The following ERBIN variants were observed in gnomAD, a reference collection of about 807,000 sequenced individuals.
ERBIN encodes erbb2 interacting protein, also known as densin-180-like protein.
ERBIN carries 60 observed loss-of-function variants against 158.4 expected under a neutral mutation model. That is an observed-to-expected ratio of 0.38 (90% CI 0.31 to 0.47). The LOEUF (loss-of-function observed/expected upper bound fraction) is 0.47. Among genes scored for constraint, ERBIN ranks in the 20% least tolerant of loss-of-function variants. The probability of loss-of-function intolerance (pLI) is 0.99; values close to 1 mark genes in which losing one functional copy is unlikely to be tolerated. For synonymous variants in ERBIN, 594 were observed against 557.2 expected (o/e 1.07, Z -0.93); for missense variants, 1,610 against 1,648.0 (o/e 0.98, Z 0.40).
chr5:66,002,127 C>T (rs946198936), intron 4 of ERBIN, among the ~76,000 whole-genome samples: 12 of 152,200 alleles, frequency 7.9e-5, no homozygotes, highest in South Asian at 4.1e-4. Context: ...ATCCATGTCC[C>T]GGTAAAGGAC....
intron 1 of ERBIN, among the ~76,000 whole-genome samples, chr5:65,945,383 T>C (rs1299590770): frequency 1.3e-5 from 2 of 152,252 alleles, no homozygotes; most frequent in Non-Finnish European, 2.9e-5. Context: ...TCTTCCAATG[T>C]CATTTAAATG....
intron 1 of ERBIN, among the ~76,000 whole-genome samples, chr5:65,953,057 G>C (rs754683241): frequency 6.6e-6 from 1 of 152,202 alleles, no homozygotes; most frequent in Non-Finnish European, 1.5e-5. Context: ...GGAGTTTCTT[G>C]TATCAGACTG....
intron 1 of ERBIN, among the ~76,000 whole-genome samples, chr5:65,949,076 T>C (rs1021882646): frequency 1.1e-4 from 17 of 152,288 alleles, no homozygotes; most frequent in Middle Eastern, 3.4e-3. Flanking sequence ...GTTTTGCTTC[T>C]TGATGCAAAA....
rs151003982 is a variant in ERBIN at position 66,078,647 on chromosome 5, A to C, written c.*117A>C. The C allele has an allele frequency of 1.6e-5, 11 of 674,934 alleles. No individual in the cohort carries two copies. The African/African-American group carries it at 2.0e-4, about 12-fold the overall frequency. 41.8% of individuals were successfully genotyped at this position (674,934 alleles called of 1,614,324 possible). ...AGAAGAACTCAAAAAATTATGTTCA[A>C]ATTTGTACATTAATGAAATAATGGA... On this transcript the variant is annotated 3_prime_UTR_variant, in exon 26 of 26. Transcript: ENST00000284037.
chr5:66,059,589 T>G (rs1446667284), intron 21 of ERBIN, among the ~76,000 whole-genome samples: 4 of 152,200 alleles, frequency 2.6e-5, no homozygotes, highest in Non-Finnish European at 2.9e-5. Flanking sequence ...ATAGGAGTGG[T>G]GAGAGAGGGC....
intron 1 of ERBIN, among the ~76,000 whole-genome samples, chr5:65,945,770 T>A (rs1745665131): frequency 1.3e-5 from 2 of 152,224 alleles, no homozygotes; most frequent in Non-Finnish European, 2.9e-5. Context: ...CACTTCAGAT[T>A]TCTCATTGAA....
At chr5:65,938,461 C>T (rs1470620660) in intron 1 of ERBIN, among the ~76,000 whole-genome samples, 1 of 151,044 alleles carries the variant, frequency 6.6e-6, no homozygotes, top group Non-Finnish European at 1.5e-5. Flanking sequence ...GCCTTGACCT[C>T]CTGGGCTGAA....
intron 1 of ERBIN, among the ~76,000 whole-genome samples, chr5:65,974,426 A>G (rs1266955466): frequency 6.6e-6 from 1 of 152,240 alleles, no homozygotes; most frequent in African/African-American, 2.4e-5. Flanking sequence ...CTGCTCCTGT[A>G]TCATACTGGA....
At chr5:66,028,251 T>G in intron 13 of ERBIN, 23 bp from the exon 14 acceptor site, 1 of 1,567,398 alleles carries the variant, frequency 6.4e-7, no homozygotes, top group Non-Finnish European at 8.7e-7. Context: ...AGTTTAATTT[T>G]TGTTTGTATT....
At chr5:66,017,635 GTTGA>G (rs1754928871) in intron 7 of ERBIN, among the ~76,000 whole-genome samples, 1 of 149,112 alleles carries the variant, frequency 6.7e-6, no homozygotes, top group Non-Finnish European at 1.5e-5. Flanking sequence ...TGTTCATTTT[GTTGA>G]TTGTTTCCTG....
chr5:66,034,288 T>C (rs1757174670), intron 14 of ERBIN, among the ~76,000 whole-genome samples: 1 of 151,714 alleles, frequency 6.6e-6, no homozygotes, highest in South Asian at 2.1e-4. Flanking sequence ...TTTTCCATAC[T>C]CATAGCTGTT....
intron 1 of ERBIN, among the ~76,000 whole-genome samples, chr5:65,967,597 A>G (rs1748799315): frequency 6.6e-6 from 1 of 152,190 alleles, no homozygotes. Flanking sequence ...GGTTTCTGTA[A>G]GTAGACTCTG....
In ERBIN at chr5:66,012,139, G is replaced by T; in HGVS notation, c.386+12G>T. ...AACCCTATTTCCAAGTAAGTTCTCAGGTGAATTATAAATTACTTTTGTGAA... is the reference window on the plus strand; with the variant it reads ...AACCCTATTTCCAAGTAAGTTCTCATGTGAATTATAAATTACTTTTGTGAA... On this transcript the variant is annotated intron_variant, in intron 5 of 25. Coordinates refer to ENST00000284037, the MANE Select transcript of ERBIN (RefSeq NM_001253697.2). 6.5e-7 allele frequency: 1 copy of T among 1,530,556 alleles called. No individual in the cohort carries two copies. The highest frequency in any genetic ancestry group is 8.9e-7 in the Non-Finnish European group (1 of 1,126,200). 94.8% of individuals were successfully genotyped at this position (1,530,556 alleles called of 1,614,324 possible).
At chr5:65,941,541 C>T (rs1322992112) in intron 1 of ERBIN, among the ~76,000 whole-genome samples, 2 of 152,054 alleles carry the variant, frequency 1.3e-5, no homozygotes, top group African/African-American at 4.8e-5. Context: ...CCCATAGATA[C>T]TGAGGGATGA....
At chr5:66,024,239 A>C in intron 9 of ERBIN, 67 bp from the exon 10 acceptor site, 1 of 1,099,560 alleles carries the variant, frequency 9.1e-7, no homozygotes, top group Non-Finnish European at 1.3e-6. Context: ...TATCAAGTTT[A>C]TTCCCTAAAC....
intron 1 of ERBIN, among the ~76,000 whole-genome samples, chr5:65,933,305 G>C (rs879635803): frequency 4.6e-5 from 7 of 151,978 alleles, no homozygotes; most frequent in Non-Finnish European, 1.0e-4. Flanking sequence ...CTACTGTATT[G>C]GTCATTTAAA....
intron 21 of ERBIN, among the ~76,000 whole-genome samples, chr5:66,056,040 G>A (rs1042583145): frequency 6.6e-6 from 1 of 151,984 alleles, no homozygotes; most frequent in African/African-American, 2.4e-5. Context: ...TTTTTCTAAG[G>A]CACTTGGAAA....
intron 1 of ERBIN, among the ~76,000 whole-genome samples, chr5:65,969,824 C>T (rs1387225523): frequency 1.3e-5 from 2 of 152,146 alleles, no homozygotes. Context: ...GATACTGCTT[C>T]CTAAATTGTT....
rs184875753 is a variant in ERBIN at position 65,996,474 on chromosome 5, C to T, written c.307+1610C>T. Among the ~76,000 whole-genome samples, 381 of 152,098 alleles carry T rather than the reference C, an allele frequency of 2.5e-3. 2 individuals carry two copies. Among genetic ancestry groups the T allele is most frequent in the Non-Finnish European group, 3.2e-3 (215 of 67,954 alleles). ...CAAAATACGTGGATTTATTTTTGGG[C>T]TGTCTATTCTGTTCCATTGGTCTGT... is the stretch of plus-strand genomic sequence containing the variant. On this transcript the variant is annotated intron_variant, in intron 4 of 25. Transcript: ENST00000284037.
Sources: allele counts gnomAD v4.1 joint callset (sites outside exome capture counted in the v4.1 genomes callset), GRCh38; gene constraint gnomAD v4.1.1; transcripts MANE v1.5; gene names NCBI Gene and HGNC (gene_info 2026-07-23, HGNC 2026-07-21).